Variants in EXO1 observed in about 807,000 individuals in gnomAD.
EXO1 encodes exonuclease 1.
EXO1 carries 69 observed loss-of-function variants against 84.5 expected under a neutral mutation model. That is an observed-to-expected ratio of 0.82 (90% confidence interval 0.67 to 1.00). The LOEUF (loss-of-function observed/expected upper bound fraction) is 1.00, where lower values mean the gene tolerates loss of function less well. Among genes scored for constraint, EXO1 ranks in the 50% least tolerant of loss-of-function variants. The pLI is 0.00. For missense variants in EXO1, 1,045 were observed against 1,000.7 expected (o/e 1.04, Z -0.60); for synonymous variants, 373 against 366.1 (o/e 1.02, Z -0.21).
intron 6 of EXO1, among the ~76,000 whole-genome samples, chr1:241,854,945 G>A (rs1660887049): frequency 6.6e-6 from 1 of 152,078 alleles, no homozygotes; most frequent in Admixed American, 6.5e-5. Flanking sequence ...CAGCGCGTCT[G>A]GAGTTGTTCG....
chr1:241,867,053 G>A lies in EXO1; in HGVS notation c.1265G>A (p.Ser422Asn), dbSNP rs148510810. 1,358 of 1,609,944 alleles carry A rather than the reference G, an allele frequency of 8.4e-4. 1 individual carries two copies. The highest frequency in any genetic ancestry group is 1.1e-3 in the Non-Finnish European group (1,255 of 1,176,412). Residue 422 changes from serine (S) to asparagine (N), a missense_variant and splice_region_variant, in exon 11 of 16, where the codon AGT (serine) becomes AAT (asparagine). By Grantham distance (46) the Ser-to-Asn change is conservative. Transcript: ENST00000366548. The part of the protein sequence containing the change: ...RKSSIVKRPR[S>N]AELSEDDLLS... Reference sequence around the variant, plus strand: ...TCATCCATTGTGAAAAGACCAAGAAGTGGTACGTATTTCAGTTTTGCAAAA... The same window carrying A: ...TCATCCATTGTGAAAAGACCAAGAAATGGTACGTATTTCAGTTTTGCAAAA...
At chr1:241,857,547 A>G in intron 7 of EXO1, 65 bp downstream of exon 7, 1 of 1,067,960 alleles carries the variant, frequency 9.4e-7, no homozygotes, top group Admixed American at 2.2e-5. Context: ...CAAGGAGCTG[A>G]AATTTTTCCT....
chr1:241,881,268 T>C (rs1344535197), intron 13 of EXO1, among the ~76,000 whole-genome samples: 1 of 152,130 alleles, frequency 6.6e-6, no homozygotes, highest in Non-Finnish European at 1.5e-5. Context: ...CCTCAAGTGA[T>C]CTACCCACCC....
chr1:241,885,232 A>ATAAATAAGTAAGTAAG (rs1296876717), intron 14 of EXO1, 82 bp from the exon 15 acceptor site: 1 of 779,784 alleles, frequency 1.3e-6, no homozygotes, highest in Non-Finnish European at 1.9e-6. Context: ...AAATAAATAA[A>ATAAATAAGTAAGTAAG]TAAGTAAAGA....
intron 8 of EXO1, 85 bp downstream of exon 8, chr1:241,858,803 T>A: frequency 1.1e-6 from 1 of 942,840 alleles, no homozygotes; most frequent in Non-Finnish European, 1.7e-6. Context: ...ATTTAAATAT[T>A]CTGTTATGCG....
chr1:241,859,593 T>C lies in EXO1; in HGVS notation c.756+875T>C, dbSNP rs193179845. On this transcript the variant is annotated intron_variant, in intron 8 of 15. Transcript: ENST00000366548. ...TATGTTTAGACTTGGGCCCCATCCC[T>C]AAGTTATCTCATAACGTGTATATGC... Among the ~76,000 whole-genome samples, 14 of 152,320 alleles carry C rather than the reference T, an allele frequency of 9.2e-5. No individual in the cohort carries two copies. In the East Asian group the frequency reaches 2.7e-3, roughly 29 times the overall value.
chr1:241,867,513 C>G (rs1160115141), intron 11 of EXO1, among the ~76,000 whole-genome samples: 2 of 152,092 alleles, frequency 1.3e-5, no homozygotes, highest in Non-Finnish European at 2.9e-5. Context: ...GGTGGGGACA[C>G]AGCCAAACAT....
intron 6 of EXO1, among the ~76,000 whole-genome samples, chr1:241,854,975 G>A (rs569103319): frequency 2.0e-5 from 3 of 152,078 alleles, no homozygotes; most frequent in South Asian, 2.1e-4. Flanking sequence ...GGGGGCTCGC[G>A]GTCTTGCTGG....
chr1:241,856,263 CTTTTTTTTT>C (rs11301251), intron 6 of EXO1, among the ~76,000 whole-genome samples: 33 of 143,868 alleles, frequency 2.3e-4, no homozygotes, highest in African/African-American at 8.4e-4. Flanking sequence ...TTCTTTTTTT[CTTTTTTTTT>C]TTTTAACTTC....
chr1:241,855,301 A>G (rs4149889), intron 6 of EXO1, among the ~76,000 whole-genome samples: 1 of 152,068 alleles, frequency 6.6e-6, no homozygotes. Context: ...AGTTAGATAC[A>G]GTGTCTACAC....
In EXO1 at chr1:241,852,441, T is replaced by C. The variant is rs534128907; in HGVS notation, c.281+30T>C. ...GTTAATTCTCTACTTAATCTCTAAC[T>C]TCATTGCACTAAGGTCAGACACTGT... On this transcript the variant is annotated intron_variant, in intron 5 of 15. Transcript: ENST00000366548. 3.6e-5 allele frequency: 57 copies of C among 1,582,434 alleles called. No homozygotes were observed. The African/African-American group carries it at 4.3e-4, about 12-fold the overall frequency.
chr1:241,865,996 A>G (rs1661696998), intron 10 of EXO1, among the ~76,000 whole-genome samples: 1 of 152,102 alleles, frequency 6.6e-6, no homozygotes, highest in Admixed American at 6.6e-5. Flanking sequence ...GTGGGATTGT[A>G]ATGATTTTTT....
chr1:241,880,089 C>T (rs73130053), intron 13 of EXO1, among the ~76,000 whole-genome samples: 2,616 of 151,952 alleles, frequency 0.017, 78 homozygotes, highest in African/African-American at 0.059. Flanking sequence ...TTTAGTACTT[C>T]AGAAATATAT....
At chr1:241,857,674 TTAA>T (rs1661141897) in intron 7 of EXO1, among the ~76,000 whole-genome samples, 192 bp downstream of exon 7, 1 of 151,720 alleles carries the variant, frequency 6.6e-6, no homozygotes, top group African/African-American at 2.4e-5. Context: ...TTTTATAATG[TTAA>T]TAATTATTTA....
chr1:241,885,212 G>GTAAATAAA (rs57809020), intron 14 of EXO1, 102 bp from the exon 15 acceptor site: 237,029 of 432,684 alleles, frequency 0.55, 67,574 homozygotes, highest in East Asian at 0.67. Context: ...ATCTCAAAAA[G>GTAAATAAA]TAAATAAATA....
intron 15 of EXO1, among the ~76,000 whole-genome samples, chr1:241,887,835 C>T (rs1245599567): frequency 2.0e-5 from 3 of 152,082 alleles, no homozygotes; most frequent in East Asian, 3.9e-4. Context: ...GATCGGGTTT[C>T]GCTGTGTTGG....
chr1:241,885,542 A>G (rs775834024), intron 15 of EXO1, 35 bp downstream of exon 15: 1 of 1,488,240 alleles, frequency 6.7e-7, no homozygotes, highest in Non-Finnish European at 9.4e-7. Flanking sequence ...GAAACAAGAT[A>G]AACTGTTATT....
intron 15 of EXO1, among the ~76,000 whole-genome samples, 163 bp from the exon 16 acceptor site, chr1:241,889,302 G>A (rs962670833): frequency 1.3e-5 from 2 of 152,194 alleles, no homozygotes; most frequent in African/African-American, 4.8e-5. Flanking sequence ...TGTATTGGGA[G>A]TGCTCACAGG....
intron 4 of EXO1, among the ~76,000 whole-genome samples, chr1:241,850,790 A>G (rs1416695584): frequency 2.7e-5 from 4 of 148,324 alleles, no homozygotes; most frequent in South Asian, 4.3e-4. Flanking sequence ...AATAAGCCAG[A>G]GTATCAAGAC....
Sources: gnomAD v4.1 joint callset for allele counts (sites outside exome capture counted in the v4.1 genomes callset) on GRCh38, gnomAD v4.1.1 for gene constraint, MANE v1.5 for transcripts, NCBI Gene and HGNC (gene_info 2026-07-23, HGNC 2026-07-21) for gene names.